CNTNAP2: variants seen among roughly 807,000 people sequenced by gnomAD.
The protein encoded by CNTNAP2 is contactin associated protein 2.
A neutral mutation model predicts 155.2 loss-of-function variants in CNTNAP2; 98 were observed. That is an observed-to-expected ratio of 0.63 (90% CI 0.54 to 0.75). The LOEUF (loss-of-function observed/expected upper bound fraction) is 0.75. CNTNAP2 is among the 30% of genes least tolerant of loss of function. The probability of loss-of-function intolerance (pLI) is 0.00; values close to 1 mark genes in which losing one functional copy is unlikely to be tolerated. For synonymous variants in CNTNAP2, 651 were observed against 631.2 expected (o/e 1.03, Z -0.47); for missense variants, 1,727 against 1,688.1 (o/e 1.02, Z -0.40).
At chr7:148,326,245 A>G (rs941712646) in intron 21 of CNTNAP2, among the ~76,000 whole-genome samples, 2 of 151,888 alleles carry the variant, frequency 1.3e-5, no homozygotes, top group African/African-American at 4.8e-5. Flanking sequence ...GCTTTGGGAG[A>G]GCTTGGCGCT....
At chr7:146,534,944 A>G (rs1423418624) in intron 1 of CNTNAP2, among the ~76,000 whole-genome samples, 1 of 147,014 alleles carries the variant, frequency 6.8e-6, no homozygotes, top group African/African-American at 2.5e-5. Context: ...GTAATATAAG[A>G]GAAATATTTT....
chr7:146,862,991 G>A (rs1795134346), intron 3 of CNTNAP2, among the ~76,000 whole-genome samples: 2 of 152,114 alleles, frequency 1.3e-5, no homozygotes, highest in African/African-American at 4.8e-5. Flanking sequence ...AATTGTATTG[G>A]ATTTATATGT....
At chr7:146,611,539 A>T (rs1376781068) in intron 1 of CNTNAP2, among the ~76,000 whole-genome samples, 1 of 152,192 alleles carries the variant, frequency 6.6e-6, no homozygotes, top group African/African-American at 2.4e-5. Flanking sequence ...TTTGAGGTCT[A>T]AAATCAGGTA....
At chr7:147,469,142 A>G (rs1337488451) in intron 10 of CNTNAP2, among the ~76,000 whole-genome samples, 2 of 152,078 alleles carry the variant, frequency 1.3e-5, no homozygotes, top group Non-Finnish European at 2.9e-5. Context: ...CTATTTTCAC[A>G]GTGAATACAC....
At chr7:148,072,829 T>G (rs190160189) in intron 15 of CNTNAP2, among the ~76,000 whole-genome samples, 6 of 152,256 alleles carry the variant, frequency 3.9e-5, no homozygotes, top group African/African-American at 1.4e-4. Flanking sequence ...TGCCTCAGCC[T>G]CCCCAGTAGC....
chr7:148,358,979 T>C (rs1157103682), intron 21 of CNTNAP2, among the ~76,000 whole-genome samples: 1 of 152,252 alleles, frequency 6.6e-6, no homozygotes, highest in Non-Finnish European at 1.5e-5. Flanking sequence ...AGTCATGTGC[T>C]GTGTAAGGAC....
At chr7:147,297,745 G>A (rs1240060470) in intron 8 of CNTNAP2, among the ~76,000 whole-genome samples, 1 of 152,060 alleles carries the variant, frequency 6.6e-6, no homozygotes, top group Non-Finnish European at 1.5e-5. Context: ...CACTTTGTGG[G>A]GAGATTAGAC....
chr7:148,137,074 T>A (rs1804968845), intron 16 of CNTNAP2, among the ~76,000 whole-genome samples: 1 of 152,206 alleles, frequency 6.6e-6, no homozygotes, highest in Non-Finnish European at 1.5e-5. Flanking sequence ...TCATTTTTCA[T>A]ACATGGAAAC....
At chr7:146,247,114 AC>A (rs2116937143) in intron 1 of CNTNAP2, among the ~76,000 whole-genome samples, 1 of 152,136 alleles carries the variant, frequency 6.6e-6, no homozygotes, top group Admixed American at 6.5e-5. Flanking sequence ...CGGCCTTTTG[AC>A]CTTTCAGGGT....
chr7:148,139,644 A>G lies in CNTNAP2; in HGVS notation c.2555-7847A>G, dbSNP rs1015487465. ...CAACCTCCGCCTCCTGGGTCAAGTG[A>G]TTCTCCTGCCTCAGCCTCCCGAGTA... On this transcript the variant is annotated intron_variant, in intron 16 of 23. Transcript: ENST00000361727. Among the ~76,000 whole-genome samples, 10 of 152,072 alleles carry G rather than the reference A, an allele frequency of 6.6e-5. No individual in the cohort carries two copies. The East Asian group carries it at 1.9e-3, about 29-fold the overall frequency.
At chr7:147,423,039 T>C (rs1338278682) in intron 10 of CNTNAP2, among the ~76,000 whole-genome samples, 1 of 152,220 alleles carries the variant, frequency 6.6e-6, no homozygotes, top group Admixed American at 6.5e-5. Context: ...TCAAGAAGTG[T>C]GAACAGATGC....
chr7:146,941,154 A>G (rs1797047562), intron 3 of CNTNAP2, among the ~76,000 whole-genome samples: 1 of 151,944 alleles, frequency 6.6e-6, no homozygotes, highest in Non-Finnish European at 1.5e-5. Context: ...TATATTGTTC[A>G]TTGTTTCCCA....
Position 148,403,872 on chromosome 7 carries a change from A to T in CNTNAP2, c.3716-5519A>T, listed in dbSNP as rs546985742. Among the ~76,000 whole-genome samples the T allele has an allele frequency of 2.1e-3, 287 of 139,808 alleles. 2 individuals carry two copies. The highest frequency in any genetic ancestry group is 2.8e-3 in the Non-Finnish European group (166 of 60,316). The allele number at this position is 139,808 out of a possible 152,430, so 91.7% of individuals were successfully genotyped here. ...AATCCAGGAAAATAGGAGTGCTCAC[A>T]CTAAACAAACAAAAGATTTTGCCCT... On this transcript the variant is annotated intron_variant, in intron 22 of 23. Transcript: ENST00000361727.
intron 1 of CNTNAP2, among the ~76,000 whole-genome samples, chr7:146,389,703 CTTTTTTT>C (rs750823074): frequency 1.6e-5 from 2 of 129,002 alleles, no homozygotes; most frequent in Non-Finnish European, 3.3e-5. Flanking sequence ...TTTCTTTTTT[CTTTTTTT>C]TTTTTTTTGA....
At chr7:146,325,014 A>G (rs1210657421) in intron 1 of CNTNAP2, among the ~76,000 whole-genome samples, 3 of 152,080 alleles carry the variant, frequency 2.0e-5, no homozygotes, top group Non-Finnish European at 4.4e-5. Context: ...GGCTCACTGC[A>G]TCCTCTACGT....
rs1799907978 is a variant in CNTNAP2, at chr7:147,903,429, T to G, written c.2099-136T>G. The G allele has an allele frequency of 4.3e-6, 4 of 936,214 alleles. No individual in the cohort carries two copies. The Admixed American group carries it at 8.0e-5, about 19-fold the overall frequency. 58.0% of individuals were successfully genotyped at this position (936,214 alleles called of 1,614,324 possible). On this transcript the variant is annotated intron_variant, in intron 13 of 23. Transcript: ENST00000361727. ...TCTCCCACTCTGTGGGTTGTCTGTT[T>G]GAAATAAATTGACTTTTAAGAGGGT...
chr7:147,189,095 T>C (rs374439643), intron 8 of CNTNAP2, among the ~76,000 whole-genome samples: 1 of 152,216 alleles, frequency 6.6e-6, no homozygotes, highest in African/African-American at 2.4e-5. Context: ...TTTTTCCTTT[T>C]ATTTATTAAA....
At chr7:147,610,256 A>C (rs1801156446) in intron 12 of CNTNAP2, among the ~76,000 whole-genome samples, 1 of 152,008 alleles carries the variant, frequency 6.6e-6, no homozygotes, top group South Asian at 2.1e-4. Flanking sequence ...TTTCCACTTA[A>C]ATATTCTGAG....
chr7:146,740,607 G>A (rs1191393286), intron 1 of CNTNAP2, among the ~76,000 whole-genome samples: 1 of 152,150 alleles, frequency 6.6e-6, no homozygotes, highest in East Asian at 1.9e-4. Context: ...CCTTGTGGCA[G>A]GCATAGTTCT....
Sources: gnomAD v4.1 joint callset for allele counts (sites outside exome capture counted in the v4.1 genomes callset) on GRCh38, gnomAD v4.1.1 for gene constraint, MANE v1.5 for transcripts, NCBI Gene and HGNC (gene_info 2026-07-23, HGNC 2026-07-21) for gene names.